Variants in GSTCD observed in about 807,000 individuals in gnomAD.
GSTCD encodes the protein glutathione S-transferase C-terminal domain-containing protein.
A neutral mutation model predicts 68.3 loss-of-function variants in GSTCD; 44 were observed. The ratio of observed to expected loss-of-function variants is 0.64; its 90% CI spans 0.51 to 0.83. The LOEUF is 0.83. Among genes scored for constraint, GSTCD ranks in the 40% least tolerant of loss-of-function variants. The probability of loss-of-function intolerance (pLI) is 0.00; values close to 1 mark genes in which losing one functional copy is unlikely to be tolerated. For synonymous variants in GSTCD, 273 were observed against 255.2 expected (o/e 1.07, Z -0.67); for missense variants, 739 against 735.9 (o/e 1.00, Z -0.05).
intron 5 of GSTCD, among the ~76,000 whole-genome samples, chr4:105,751,583 G>A (rs577252457): frequency 6.0e-4 from 92 of 152,242 alleles, no homozygotes; most frequent in Admixed American, 1.4e-3. Flanking sequence ...CATAATTTGA[G>A]TTTCTTTATC....
intron 5 of GSTCD, among the ~76,000 whole-genome samples, chr4:105,731,785 A>G (rs1733251466): frequency 6.6e-6 from 1 of 152,178 alleles, no homozygotes; most frequent in Non-Finnish European, 1.5e-5. Flanking sequence ...TTCAAAGGGA[A>G]TGCTTCCAGT....
intron 5 of GSTCD, among the ~76,000 whole-genome samples, chr4:105,735,253 G>T (rs779695460): frequency 6.6e-6 from 1 of 151,968 alleles, no homozygotes; most frequent in Non-Finnish European, 1.5e-5. Flanking sequence ...AGAGGGTTCC[G>T]CTGTGCCCTG....
At chr4:105,839,008 C>G (rs934137765) in intron 10 of GSTCD, among the ~76,000 whole-genome samples, 3 of 152,086 alleles carry the variant, frequency 2.0e-5, no homozygotes, top group Admixed American at 1.3e-4. Flanking sequence ...ACATCAGCAG[C>G]TGTATCTCCT....
chr4:105,810,895 G>A (rs1282308880), intron 5 of GSTCD, among the ~76,000 whole-genome samples: 1 of 152,048 alleles, frequency 6.6e-6, no homozygotes, highest in Non-Finnish European at 1.5e-5. Flanking sequence ...GTTGTCCTGA[G>A]GTGGAAGGGT....
intron 5 of GSTCD, among the ~76,000 whole-genome samples, chr4:105,762,938 A>G (rs1020049245): frequency 6.6e-6 from 1 of 152,196 alleles, no homozygotes; most frequent in Non-Finnish European, 1.5e-5. Flanking sequence ...TCTCACTTAA[A>G]AAATATATTT....
intron 5 of GSTCD, among the ~76,000 whole-genome samples, chr4:105,776,553 A>C (rs1735071748): frequency 6.6e-6 from 1 of 152,088 alleles, no homozygotes; most frequent in Non-Finnish European, 1.5e-5. Context: ...ACCTTTCCTC[A>C]CGGCACAGTT....
rs1313637238 is a variant in GSTCD, at chr4:105,842,044, T to C, written c.1696-21T>C. ...AGCAGAAGATAAAAATAAACCCACA[T>C]TCTATTGCTTTTTCTTTTAGGAACA... On this transcript the variant is annotated intron_variant, in intron 10 of 11. Coordinates refer to ENST00000515279, the MANE Select transcript of GSTCD (RefSeq NM_001370181.1). 3 of 1,597,934 alleles carry C rather than the reference T, an allele frequency of 1.9e-6. No homozygotes were observed. In the South Asian group the frequency reaches 3.3e-5, roughly 18 times the overall value.
At position 105,726,562 on chromosome 4, in the gene GSTCD, A is replaced by T. The variant is rs766813956; in HGVS notation, c.895-17A>T. ...CAAAATATATATAATAATGTGTTTT[A>T]TTATTTTCCTACCTAGGTAATTATC... is the stretch of plus-strand genomic sequence containing the variant. On this transcript the variant is annotated splice_polypyrimidine_tract_variant and intron_variant, in intron 3 of 11. Coordinates refer to ENST00000515279, the MANE Select transcript of GSTCD (RefSeq NM_001370181.1). The T allele has an allele frequency of 1.3e-6, 2 of 1,497,394 alleles. No homozygotes were observed. The highest frequency in any genetic ancestry group is 2.5e-5 in the South Asian group (2 of 80,814). The allele number at this position is 1,497,394 out of a possible 1,614,324, so 92.8% of individuals were successfully genotyped here.
intron 3 of GSTCD, among the ~76,000 whole-genome samples, chr4:105,724,205 A>C (rs1732958321): frequency 1.3e-5 from 2 of 151,850 alleles, no homozygotes; most frequent in Non-Finnish European, 3.0e-5. Context: ...GAGACATCAT[A>C]ATGGTTTCTA....
intron 5 of GSTCD, among the ~76,000 whole-genome samples, chr4:105,778,080 C>T (rs1486744441): frequency 2.0e-5 from 3 of 152,176 alleles, no homozygotes; most frequent in Non-Finnish European, 2.9e-5. Flanking sequence ...TGAACTTTCA[C>T]GTCTGAGTTA....
intron 5 of GSTCD, among the ~76,000 whole-genome samples, chr4:105,753,057 T>TAAG (rs1422582287): frequency 2.0e-5 from 3 of 152,090 alleles, no homozygotes; most frequent in Non-Finnish European, 4.4e-5. Context: ...CATTTCAAGA[T>TAAG]AAGACTTTTC....
At chr4:105,737,381 A>C (rs1733496127) in intron 5 of GSTCD, among the ~76,000 whole-genome samples, 1 of 152,156 alleles carries the variant, frequency 6.6e-6, no homozygotes, top group Non-Finnish European at 1.5e-5. Context: ...TCAGGATATT[A>C]ATCTTTTGTT....
chr4:105,843,936 C>T (rs561678933), intron 11 of GSTCD, among the ~76,000 whole-genome samples: 2 of 151,516 alleles, frequency 1.3e-5, no homozygotes, highest in East Asian at 2.0e-4. Context: ...ATGGGAAGAA[C>T]GGGGGGAATC....
chr4:105,764,025 G>A lies in GSTCD; in HGVS notation c.1240+34526G>A, dbSNP rs544039278. 1.1e-4 allele frequency among the ~76,000 whole-genome samples: 16 copies of A among 151,960 alleles called. No individual in the cohort carries two copies. In the South Asian group the frequency reaches 3.3e-3, roughly 32 times the overall value. ...ATACATATTTCCTAACATTTCAGTA[G>A]TTAATCTTTTTCTTTAGCAGTGATA... is the stretch of plus-strand genomic sequence containing the variant. On this transcript the variant is annotated intron_variant, in intron 5 of 11. Coordinates refer to ENST00000515279, the MANE Select transcript of GSTCD (RefSeq NM_001370181.1).
chr4:105,845,365 A>G, intron 11 of GSTCD, 76 bp from the exon 12 acceptor site: 4 of 1,556,482 alleles, frequency 2.6e-6, no homozygotes, highest in Non-Finnish European at 3.5e-6. Flanking sequence ...TTGTCACTAT[A>G]TAGATTCCCT....
intron 1 of GSTCD, chr4:105,710,999 T>C (rs770992291): frequency 6.6e-6 from 1 of 152,194 alleles, no homozygotes; most frequent in Non-Finnish European, 1.5e-5. Context: ...CTTGAAAAAA[T>C]CTCAGTGTTT....
chr4:105,799,973 G>C (rs1414929485), intron 5 of GSTCD, among the ~76,000 whole-genome samples: 1 of 152,150 alleles, frequency 6.6e-6, no homozygotes, highest in Admixed American at 6.6e-5. Flanking sequence ...GCCTACTTAA[G>C]GGTGTAGGGT....
At chr4:105,718,398 T>C (rs1225269789) in intron 2 of GSTCD, among the ~76,000 whole-genome samples, 1 of 152,074 alleles carries the variant, frequency 6.6e-6, no homozygotes, top group Non-Finnish European at 1.5e-5. Flanking sequence ...TCTTCCTTGC[T>C]CTCTCTTGCA....
chr4:105,746,470 G>A (rs1041875051), intron 5 of GSTCD: 1 of 152,134 alleles, frequency 6.6e-6, no homozygotes, highest in African/African-American at 2.4e-5. Context: ...ATCAGAAGGA[G>A]ATATTATAGT....
Sources: allele counts gnomAD v4.1 joint callset (sites outside exome capture counted in the v4.1 genomes callset), GRCh38; gene constraint gnomAD v4.1.1; transcripts MANE v1.5; gene names NCBI Gene and HGNC (gene_info 2026-07-23, HGNC 2026-07-21).